The following EPPIN variants were observed in gnomAD, a reference collection of about 807,000 sequenced individuals.
EPPIN encodes the protein epididymal peptidase inhibitor.
In EPPIN, 14 loss-of-function variants were observed where a neutral mutation model predicts 18.8. The observed-to-expected ratio is 0.75, with a 90% CI of 0.49 to 1.17. The LOEUF is 1.17. Ranked by LOEUF, EPPIN falls within the 50% of genes most tolerant of loss-of-function variation. EPPIN has a pLI of 0.00. For synonymous variants in EPPIN, 57 were observed against 54.8 expected (o/e 1.04, Z -0.18); for missense variants, 143 against 154.2 (o/e 0.93, Z 0.39).
At position 45,541,956 on chromosome 20, in the gene EPPIN, T is replaced by G; in HGVS notation, c.*188A>C. The G allele has an allele frequency of 1.7e-6, 1 of 592,598 alleles. No homozygotes were observed. The highest frequency in any genetic ancestry group is 2.9e-5 in the East Asian group (1 of 34,840). The allele number at this position is 592,598 out of a possible 1,614,324, so 36.7% of individuals were successfully genotyped here. ...AAGATGAAATCAAAACGGATGGATA[T>G]TGTGCATCAAAAGAGCCAAAGATGG... On this transcript the variant is annotated 3_prime_UTR_variant, in exon 4 of 4. Coordinates refer to ENST00000354280, the MANE Select transcript of EPPIN (RefSeq NM_020398.4).
intron 1 of EPPIN, chr20:45,546,054 G>A (rs1384462445): frequency 4.1e-6 from 2 of 486,082 alleles, no homozygotes; most frequent in South Asian, 5.1e-5. Context: ...TCTTTGTTTG[G>A]GGGGCTGAAC....
At chr20:45,545,246 GGTGGTCACTCCATA>G (rs1979775745) in intron 2 of EPPIN, 1 of 195,006 alleles carries the variant, frequency 5.1e-6, no homozygotes, top group East Asian at 1.4e-4. Context: ...TAGGCAGAGA[GGTGGTCACTCCATA>G]GCAAAAAAGT....
Position 45,542,068 on chromosome 20 carries a change from G to T in EPPIN, c.*76C>A, listed in dbSNP as rs745955745. The T allele has an allele frequency of 2.5e-6, 4 of 1,578,380 alleles. No individual in the cohort carries two copies. Among genetic ancestry groups the T allele is most frequent in the South Asian group, 1.1e-5 (1 of 87,060 alleles). On this transcript the variant is annotated 3_prime_UTR_variant, in exon 4 of 4. Transcript: ENST00000354280. ...GAGTGAAACTGGAAGCCAGTCTGGA[G>T]CATCCGTCAGGTACAGGAACAGTAC...
chr20:45,542,250 AC>A, intron 3 of EPPIN, 96 bp from the exon 4 acceptor site: 1 of 1,528,692 alleles, frequency 6.5e-7, no homozygotes, highest in Non-Finnish European at 8.9e-7. Context: ...ACAGAAAGAC[AC>A]TAAAAAGTAG....
At position 45,544,464 on chromosome 20, in the gene EPPIN, G is replaced by A. The variant is rs567488094; in HGVS notation, c.223+1175C>T. ...TAATTTATCCAAGACAAAAAGGCTC[G>A]TAAAAACTGGAGGTAAGAGTTGAAC... On this transcript the variant is annotated intron_variant, in intron 2 of 3. Transcript: ENST00000354280. The A allele has an allele frequency of 5.9e-5, 9 of 152,202 alleles. 1 individual carries two copies. The highest frequency in any genetic ancestry group is 7.2e-5 in the African/African-American group (3 of 41,518). The allele number at this position is 152,202 out of a possible 1,614,324, so 9.4% of individuals were successfully genotyped here. A position where few individuals can be genotyped will look rare whatever the true frequency, so the allele number is the denominator to read the frequency against.
At chr20:45,543,121 G>A in intron 2 of EPPIN, 1 of 453,308 alleles carries the variant, frequency 2.2e-6, no homozygotes, top group Non-Finnish European at 3.8e-6. Flanking sequence ...AATAGGGTGG[G>A]CCCCTATACC....
intron 1 of EPPIN, 192 bp from the exon 2 acceptor site, chr20:45,545,962 T>C: frequency 2.6e-6 from 2 of 761,094 alleles, no homozygotes; most frequent in East Asian, 2.7e-5. Context: ...CAGTGACCTC[T>C]CCTCCCTCTA....
In EPPIN at chr20:45,542,592, A is replaced by G; in HGVS notation, c.391+108T>C. 3 of 1,486,426 alleles carry G rather than the reference A, an allele frequency of 2.0e-6. No homozygotes were observed. In the South Asian group the frequency reaches 4.1e-5, roughly 20 times the overall value. The allele number at this position is 1,486,426 out of a possible 1,614,324, so 92.1% of individuals were successfully genotyped here. A position where few individuals can be genotyped will look rare whatever the true frequency, so the allele number is the denominator to read the frequency against. Reference sequence around the variant, plus strand: ...CCTCCTGATCAGAGCTGGTTCTGTCAGCACCAGGTCTGCCAAAGATGTAGC... The same window carrying G: ...CCTCCTGATCAGAGCTGGTTCTGTCGGCACCAGGTCTGCCAAAGATGTAGC... On this transcript the variant is annotated intron_variant, in intron 3 of 3. Coordinates refer to ENST00000354280, the MANE Select transcript of EPPIN (RefSeq NM_020398.4).
rs768402242 is a variant in EPPIN, at chr20:45,547,309, C to T, written c.49G>A (p.Ala17Thr). 4 of 1,613,932 alleles carry T rather than the reference C, an allele frequency of 2.5e-6. No homozygotes were observed. Among genetic ancestry groups the T allele is most frequent in the South Asian group, 2.2e-5 (2 of 91,080 alleles). Residue 17 changes from alanine to threonine, a missense_variant, in exon 1 of 4, where the codon GCG becomes ACG. Ala to Thr is a moderately conservative substitution (Grantham distance 58). Transcript: ENST00000354280. ...LSLLVLFVLL[A>T]NVQGPGLTDW... is the part of the protein sequence containing the mutation. Reference sequence around the variant, plus strand: ...GTCAGACCAGGTCCCTGGACATTCGCTAAGAGGACGAATAGCACCAGGAGG... The same window carrying T: ...GTCAGACCAGGTCCCTGGACATTCGTTAAGAGGACGAATAGCACCAGGAGG...
At position 45,541,959 on chromosome 20, in the gene EPPIN, T is replaced by C. The variant is rs897990510; in HGVS notation, c.*185A>G. 9 of 603,450 alleles carry C rather than the reference T, an allele frequency of 1.5e-5. No homozygotes were observed. Among genetic ancestry groups the C allele is most frequent in the Non-Finnish European group, 2.5e-5 (9 of 353,302 alleles). 37.4% of individuals were successfully genotyped at this position (603,450 alleles called of 1,614,324 possible). A position where few individuals can be genotyped will look rare whatever the true frequency, so the allele number is the denominator to read the frequency against. Reference sequence around the variant, plus strand: ...ATGAAATCAAAACGGATGGATATTGTGCATCAAAAGAGCCAAAGATGGAGG... The same window carrying C: ...ATGAAATCAAAACGGATGGATATTGCGCATCAAAAGAGCCAAAGATGGAGG... On this transcript the variant is annotated 3_prime_UTR_variant, in exon 4 of 4. Coordinates refer to ENST00000354280, the MANE Select transcript of EPPIN (RefSeq NM_020398.4).
chr20:45,542,345 T>C (rs1402425837), intron 3 of EPPIN, 191 bp from the exon 4 acceptor site: 10 of 753,416 alleles, frequency 1.3e-5, no homozygotes, highest in Non-Finnish European at 1.9e-5. Context: ...TGTTGAGACA[T>C]TGATGGCTTA....
Position 45,542,033 on chromosome 20 carries a change from G to T in EPPIN, c.*111C>A. 7.1e-7 allele frequency: 1 copy of T among 1,404,306 alleles called. No homozygotes were observed. The highest frequency in any genetic ancestry group is 9.8e-7 in the Non-Finnish European group (1 of 1,016,116). The allele number at this position is 1,404,306 out of a possible 1,614,324, so 87.0% of individuals were successfully genotyped here. A position where few individuals can be genotyped will look rare whatever the true frequency, so the allele number is the denominator to read the frequency against. On this transcript the variant is annotated 3_prime_UTR_variant, in exon 4 of 4. Transcript: ENST00000354280. ...CTGTTCTGGGAAGGGCTAAGATCTTGGAATGCTGAGAGTGAAACTGGAAGC... is the reference window on the plus strand; with the variant it reads ...CTGTTCTGGGAAGGGCTAAGATCTTTGAATGCTGAGAGTGAAACTGGAAGC...
In EPPIN at chr20:45,545,676, GAC is replaced by G. The variant is rs1176031348; in HGVS notation, c.184_185del (p.Val62LeufsTer34). 6.2e-7 allele frequency: 1 copy of G among 1,613,934 alleles called. No homozygotes were observed. Among genetic ancestry groups the G allele is most frequent in the Admixed American group, 1.7e-5 (1 of 59,998 alleles). On this transcript the variant is annotated frameshift_variant, in exon 2 of 4. Transcript: ENST00000354280. LOFTEE classifies it high-confidence loss of function. The stretch of plus-strand genomic sequence containing the variant: ...CTAAACATTTTTTTCCGCAGCTGAA[GAC>G]ACAACACTTCTTGTTGTCCTGGCAT... ...RQCQDNKKCC[V>X]FSCGKKCLDL... is the part of the protein sequence containing the mutation.
intron 1 of EPPIN, 165 bp from the exon 2 acceptor site, chr20:45,545,935 A>G: frequency 9.8e-7 from 1 of 1,024,232 alleles, no homozygotes; most frequent in East Asian, 2.6e-5. Context: ...CCTACTGCCT[A>G]CACCCCCACC....
At chr20:45,547,232 C>G in intron 1 of EPPIN, 35 bp downstream of exon 1, 1 of 1,612,866 alleles carries the variant, frequency 6.2e-7, no homozygotes, top group African/African-American at 1.3e-5. Context: ...GCAAACTCCC[C>G]TCTCTCTAGG....
chr20:45,545,522 T>A (rs756228608), intron 2 of EPPIN, 117 bp downstream of exon 2: 18 of 1,554,488 alleles, frequency 1.2e-5, no homozygotes, highest in Non-Finnish European at 1.6e-5. Context: ...GTCTCCCAAG[T>A]CCAGCAGTTT....
intron 1 of EPPIN, among the ~76,000 whole-genome samples, chr20:45,546,926 G>A (rs896608542): frequency 5.9e-5 from 9 of 152,138 alleles, no homozygotes; most frequent in African/African-American, 2.2e-4. Context: ...ATGCCTCAAG[G>A]AAGGGGCCTG....
In EPPIN at chr20:45,541,655, A is replaced by G. The variant is rs1270724680; in HGVS notation, c.*489T>C. 1 of 154,894 alleles carries G rather than the reference A, an allele frequency of 6.5e-6. No individual in the cohort carries two copies. The highest frequency in any genetic ancestry group is 1.4e-5 in the Non-Finnish European group (1 of 69,684). The allele number at this position is 154,894 out of a possible 1,614,324, so 9.6% of individuals were successfully genotyped here. On this transcript the variant is annotated 3_prime_UTR_variant, in exon 4 of 4. Coordinates refer to ENST00000354280, the MANE Select transcript of EPPIN (RefSeq NM_020398.4). Reference sequence around the variant, plus strand: ...AGGCACTGTCCTTGGGCCCTTGCCTAAAAAGGGTTTTACAATCTTTTGTAG... The same window carrying G: ...AGGCACTGTCCTTGGGCCCTTGCCTGAAAAGGGTTTTACAATCTTTTGTAG...
intron 2 of EPPIN, 134 bp from the exon 3 acceptor site, chr20:45,543,001 A>T: frequency 4.6e-6 from 6 of 1,305,380 alleles, no homozygotes; most frequent in South Asian, 1.6e-5. Context: ...GCAGGAGCAC[A>T]GCTCCACTGA....
Sources: allele counts gnomAD v4.1 joint callset (sites outside exome capture counted in the v4.1 genomes callset), GRCh38; gene constraint gnomAD v4.1.1; transcripts MANE v1.5; gene names NCBI Gene and HGNC (gene_info 2026-07-23, HGNC 2026-07-21).